The following CRHR2 variants were observed in gnomAD, a reference collection of about 807,000 sequenced individuals.
The protein encoded by CRHR2 is corticotropin releasing hormone receptor 2, also known as corticotropin-releasing hormone receptor 2.
A neutral mutation model predicts 57.9 loss-of-function variants in CRHR2; 53 were observed. The observed-to-expected ratio is 0.92, with a 90% CI of 0.73 to 1.15. The LOEUF is 1.15. CRHR2 is among the 50% of genes most tolerant of loss of function. The pLI is 0.00. For synonymous variants in CRHR2, 213 were observed against 220.9 expected (o/e 0.96, Z 0.32); for missense variants, 532 against 542.6 (o/e 0.98, Z 0.19).
Position 30,662,762 on chromosome 7 carries a change from T to A in CRHR2, c.629A>T (p.His210Leu). ...FWMFVEGCYLHTAIVMTYSTE... is the reference protein window; with the variant it reads ...FWMFVEGCYLLTAIVMTYSTE... Reference sequence around the variant, plus strand: ...GGAGTAGGTCATGACAATGGCCGTGTGCAGGTAGCAGCCTTCCACAAACAT... The same window carrying A: ...GGAGTAGGTCATGACAATGGCCGTGAGCAGGTAGCAGCCTTCCACAAACAT... Residue 210 changes from histidine to leucine, a missense_variant, in exon 6 of 12, where the codon CAC becomes CTC. Physicochemically the swap from His to Leu is moderately conservative, Grantham distance 99. Transcript: ENST00000471646. 1.2e-6 allele frequency: 2 copies of A among 1,614,210 alleles called. No homozygotes were observed. Among genetic ancestry groups the A allele is most frequent in the Middle Eastern group, 3.3e-4 (2 of 6,062 alleles).
intron 2 of CRHR2, among the ~76,000 whole-genome samples, chr7:30,680,744 T>C (rs926257685): frequency 3.3e-5 from 5 of 152,012 alleles, no homozygotes; most frequent in African/African-American, 1.2e-4. Flanking sequence ...CGGCTTGGCA[T>C]CAGGTGCAGG....
rs778319099 is a variant in CRHR2 at position 30,653,607 on chromosome 7, G to A, written c.1096-7C>T. On this transcript the variant is annotated splice_polypyrimidine_tract_variant and splice_region_variant and intron_variant, in intron 11 of 11. Transcript: ENST00000471646. The surrounding 1 kb of genome is among the most constrained non-coding windows in gnomAD (Gnocchi z 5.0). ...TCCTCACGGCTGAGCGCACCTGTGGGGAAGGCAGAGGCTCAGCTGGCTCCC... is the reference window on the plus strand; with the variant it reads ...TCCTCACGGCTGAGCGCACCTGTGGAGAAGGCAGAGGCTCAGCTGGCTCCC... The A allele has an allele frequency of 1.0e-5, 16 of 1,605,666 alleles. No individual in the cohort carries two copies. Among genetic ancestry groups the A allele is most frequent in the Non-Finnish European group, 1.4e-5 (16 of 1,177,852 alleles).
At chr7:30,699,964 G>A in exon 1 of CRHR2, 1 of 1,498,168 alleles carries the variant, frequency 6.7e-7, no homozygotes, top group Non-Finnish European at 8.9e-7. Flanking sequence ...GGCGGTGGGA[G>A]GAGGCAGAGC....
chr7:30,692,963 G>A (rs1161062667), intron 1 of CRHR2, among the ~76,000 whole-genome samples: 2 of 152,172 alleles, frequency 1.3e-5, no homozygotes, highest in East Asian at 3.9e-4. Flanking sequence ...GTGAAGACCT[G>A]TGGGTCACGG....
upstream of CRHR2, chr7:30,682,821 A>C: frequency 6.6e-6 from 1 of 152,554 alleles, no homozygotes; most frequent in Non-Finnish European, 1.5e-5. Flanking sequence ...AAAGTTCGGC[A>C]GCTTTCCGCC....
intron 1 of CRHR2, among the ~76,000 whole-genome samples, chr7:30,695,147 C>A (rs1351565712): frequency 7.8e-6 from 1 of 128,452 alleles, no homozygotes; most frequent in Non-Finnish European, 1.6e-5. Flanking sequence ...GAAATGGGAG[C>A]TGAGACTGGC....
chr7:30,695,298 C>T lies in CRHR2; in HGVS notation c.-261+4646G>A, dbSNP rs535047147. Among the ~76,000 whole-genome samples, 21 of 152,232 alleles carry T rather than the reference C, an allele frequency of 1.4e-4. 1 individual carries two copies. The South Asian group carries it at 4.2e-3, about 30-fold the overall frequency. ...GGTGTTGGATGTTGAGTGAGAATCCCCTTGGCCTCCTGGGCAGCTCCCAGC... is the reference window on the plus strand; with the variant it reads ...GGTGTTGGATGTTGAGTGAGAATCCTCTTGGCCTCCTGGGCAGCTCCCAGC... On this transcript the variant is annotated intron_variant, in intron 1 of 13. Coordinates refer to the CRHR2 transcript ENST00000341843.
Position 30,665,130 on chromosome 7 carries a change from C to T in CRHR2, c.483G>A (p.Leu161=). ...GCAGCAGGAACCACATGACATTTCG[C>T]AGGATAAAGGTGGTGATGAGGTTCC... ...IHWNLITTFI[L]RNVMWFLLQL... is the part of the protein sequence containing the mutation. The change falls in exon 5 of 12, where the codon CTG becomes CTA. Residue 161 remains leucine (L), a synonymous_variant. Coordinates refer to ENST00000471646, the MANE Select transcript of CRHR2 (RefSeq NM_001883.5). The surrounding 1 kb of genome is among the most constrained non-coding windows in gnomAD (Gnocchi z 4.5). 6.2e-7 allele frequency: 1 copy of T among 1,614,114 alleles called. No homozygotes were observed. The highest frequency in any genetic ancestry group is 8.5e-7 in the Non-Finnish European group (1 of 1,180,030).
At chr7:30,692,928 G>A (rs892684512) in intron 1 of CRHR2, among the ~76,000 whole-genome samples, 4 of 152,174 alleles carry the variant, frequency 2.6e-5, no homozygotes, top group African/African-American at 9.7e-5. Flanking sequence ...GGTTCCCATG[G>A]GAAGAGCTGA....
intron 2 of CRHR2, among the ~76,000 whole-genome samples, chr7:30,687,613 T>C (rs1455376192): frequency 1.3e-5 from 2 of 152,176 alleles, no homozygotes; most frequent in Admixed American, 6.5e-5. Context: ...ATAGAAATCA[T>C]GTGGATCCCT....
chr7:30,654,784 C>T (rs1243426802), intron 11 of CRHR2: 1 of 1,537,144 alleles, frequency 6.5e-7, no homozygotes, highest in Non-Finnish European at 8.7e-7. Flanking sequence ...GGCCCTGCGG[C>T]CTGGGCTTCC....
At chr7:30,660,998 A>G (rs539431288) in intron 7 of CRHR2, among the ~76,000 whole-genome samples, 7 of 152,348 alleles carry the variant, frequency 4.6e-5, no homozygotes, top group African/African-American at 1.4e-4. Flanking sequence ...CCCAGGGCCA[A>G]TTGCCTTAGG....
At chr7:30,690,720 C>T (rs974084400) in intron 1 of CRHR2, among the ~76,000 whole-genome samples, 1 of 152,276 alleles carries the variant, frequency 6.6e-6, no homozygotes, top group Non-Finnish European at 1.5e-5. Flanking sequence ...CCTGGAGCTT[C>T]TAATGAATGA....
chr7:30,695,350 C>T (rs930328740), intron 1 of CRHR2, among the ~76,000 whole-genome samples: 2 of 152,094 alleles, frequency 1.3e-5, no homozygotes, highest in Non-Finnish European at 2.9e-5. Context: ...AGTCTGTGCT[C>T]GGCCAAGTTC....
Position 30,682,436 on chromosome 7 carries a change from G to T in CRHR2, c.-156C>A. ...CGGGCAGCCTTTGGGCGCCACCTCCGGTCGCCCAGAGCTGTCAAGTGGGGA... is the reference window on the plus strand; with the variant it reads ...CGGGCAGCCTTTGGGCGCCACCTCCTGTCGCCCAGAGCTGTCAAGTGGGGA... On this transcript the variant is annotated 5_prime_UTR_variant, in exon 1 of 12. Transcript: ENST00000471646. The T allele has an allele frequency of 7.4e-7, 1 of 1,356,624 alleles. No individual in the cohort carries two copies. Among genetic ancestry groups the T allele is most frequent in the Non-Finnish European group, 9.4e-7 (1 of 1,061,644 alleles). 84.0% of individuals were successfully genotyped at this position (1,356,624 alleles called of 1,614,324 possible). A position where few individuals can be genotyped will look rare whatever the true frequency, so the allele number is the denominator to read the frequency against.
At chr7:30,698,418 G>T (rs762451322) in intron 1 of CRHR2, among the ~76,000 whole-genome samples, 1 of 152,110 alleles carries the variant, frequency 6.6e-6, no homozygotes, top group Non-Finnish European at 1.5e-5. Flanking sequence ...CCAGAGGGAC[G>T]GGCTGAGGGG....
rs1406031527 is a variant in CRHR2, at chr7:30,652,854, C to A, written c.*606G>T. 2 of 152,424 alleles carry A rather than the reference C, an allele frequency of 1.3e-5. No homozygotes were observed. The highest frequency in any genetic ancestry group is 2.9e-5 in the Non-Finnish European group (2 of 68,184). The allele number at this position is 152,424 out of a possible 1,614,324, so 9.4% of individuals were successfully genotyped here. ...GAAGGGGTCTCCCAAGAGAGGAAGC[C>A]AGGCCTGGAAGCCTGCATCCTTCAT... On this transcript the variant is annotated 3_prime_UTR_variant, in exon 12 of 12. Transcript: ENST00000471646. The surrounding 1 kb of genome is among the most constrained non-coding windows in gnomAD (Gnocchi z 4.4).
chr7:30,683,705 TTC>T (rs1784795573), upstream of CRHR2, among the ~76,000 whole-genome samples: 1 of 152,166 alleles, frequency 6.6e-6, no homozygotes, highest in African/African-American at 2.4e-5. Flanking sequence ...GACTCTCTGG[TTC>T]TGAGTTATGA....
Position 30,654,153 on chromosome 7 carries a change from T to C in CRHR2, c.1096-553A>G, listed in dbSNP as rs141419693. ...TGTCTTGGTCATTTCTAAAGTTGGC[T>C]CTACCCGGTGCCATTTAAGCTTCAT... On this transcript the variant is annotated intron_variant, in intron 11 of 11. Coordinates refer to ENST00000471646, the MANE Select transcript of CRHR2 (RefSeq NM_001883.5). Among the ~76,000 whole-genome samples, 44 of 152,350 alleles carry C rather than the reference T, an allele frequency of 2.9e-4. No homozygotes were observed. In the East Asian group the frequency reaches 5.0e-3, roughly 17 times the overall value.
Sources: gnomAD v4.1 joint callset for allele counts (sites outside exome capture counted in the v4.1 genomes callset) on GRCh38, gnomAD v4.1.1 for gene constraint, Gnocchi (gnomAD v3.1) non-coding constraint, MANE v1.5 for transcripts, NCBI Gene and HGNC (gene_info 2026-07-23, HGNC 2026-07-21) for gene names.